The following GFM1 variants were observed in gnomAD, a reference collection of about 807,000 sequenced individuals.
GFM1 encodes the protein elongation factor G, mitochondrial.
GFM1 carries 62 observed loss-of-function variants against 96.2 expected under a neutral mutation model. The observed-to-expected ratio is 0.64, with a 90% CI of 0.53 to 0.80. GFM1 has a LOEUF of 0.80. GFM1 is among the 30% of genes least tolerant of loss of function. The pLI is 0.00. For synonymous variants in GFM1, 282 were observed against 312.9 expected (o/e 0.90, Z 1.04); for missense variants, 852 against 916.6 (o/e 0.93, Z 0.91).
intron 15 of GFM1, among the ~76,000 whole-genome samples, chr3:158,688,493 C>G (rs1726050654): frequency 6.6e-6 from 1 of 152,148 alleles, no homozygotes; most frequent in Non-Finnish European, 1.5e-5. Context: ...TCCCTTTACC[C>G]TTTCACAATC....
chr3:158,678,832 A>T (rs1259559468), intron 13 of GFM1, among the ~76,000 whole-genome samples: 1 of 152,242 alleles, frequency 6.6e-6, no homozygotes, highest in Non-Finnish European at 1.5e-5. Flanking sequence ...GTCTTGTGAA[A>T]GGGAAAGTCA....
chr3:158,691,547 C>G lies in GFM1; in HGVS notation c.*80C>G. 5 of 1,517,728 alleles carry G rather than the reference C, an allele frequency of 3.3e-6. No individual in the cohort carries two copies. Among genetic ancestry groups the G allele is most frequent in the Non-Finnish European group, 3.6e-6 (4 of 1,097,828 alleles). The allele number at this position is 1,517,728 out of a possible 1,614,324, so 94.0% of individuals were successfully genotyped here. A position where few individuals can be genotyped will look rare whatever the true frequency, so the allele number is the denominator to read the frequency against. ...TTGATGGATTCCAGTGGAATAAATT[C>G]AGGCTGCTGAAACAAGAAATTCTGA... On this transcript the variant is annotated 3_prime_UTR_variant, in exon 18 of 18. Coordinates refer to ENST00000486715, the MANE Select transcript of GFM1 (RefSeq NM_024996.7).
chr3:158,650,323 G>C, intron 5 of GFM1: 1 of 462,090 alleles, frequency 2.2e-6, no homozygotes, highest in South Asian at 2.6e-5. Flanking sequence ...CTAGGCAGTT[G>C]TAACTGCCTA....
intron 15 of GFM1, among the ~76,000 whole-genome samples, chr3:158,687,598 G>A (rs1420829251): frequency 1.3e-5 from 2 of 152,098 alleles, no homozygotes; most frequent in Non-Finnish European, 2.9e-5. Context: ...CTCCCAAGTA[G>A]CTGAGATTAC....
Position 158,666,406 on chromosome 3 carries a change from A to G in GFM1, c.1601+20A>G. On this transcript the variant is annotated intron_variant, in intron 13 of 17. Transcript: ENST00000486715. ...TGTCCCGTAAGTATGCAACGTAATT[A>G]AACATTATGAGGCTGAAATTGAAGC... 3 of 1,590,666 alleles carry G rather than the reference A, an allele frequency of 1.9e-6. No individual in the cohort carries two copies. Among genetic ancestry groups the G allele is most frequent in the Non-Finnish European group, 2.6e-6 (3 of 1,158,838 alleles).
At position 158,694,657 on chromosome 3, in the gene GFM1, G is replaced by A. The variant is rs1485663844; in HGVS notation, c.*3190G>A. Reference sequence around the variant, plus strand: ...AAGCAGTCCTCTGGCCTCAGCCTCTGGAGTAGCTGGGACAAGAGGCACACA... The same window carrying A: ...AAGCAGTCCTCTGGCCTCAGCCTCTAGAGTAGCTGGGACAAGAGGCACACA... On this transcript the variant is annotated 3_prime_UTR_variant, in exon 18 of 18. Coordinates refer to ENST00000486715, the MANE Select transcript of GFM1 (RefSeq NM_024996.7). Among the ~76,000 whole-genome samples the A allele has an allele frequency of 6.6e-6, 1 of 152,044 alleles. No homozygotes were observed. Among genetic ancestry groups the A allele is most frequent in the East Asian group, 1.9e-4 (1 of 5,186 alleles).
intron 8 of GFM1, chr3:158,656,187 C>G (rs758537864): frequency 8.7e-6 from 2 of 229,796 alleles, no homozygotes; most frequent in African/African-American, 4.7e-5. Flanking sequence ...AGATTTCGCT[C>G]TTGTTGCCCA....
intron 4 of GFM1, among the ~76,000 whole-genome samples, chr3:158,648,405 G>A (rs568358082): frequency 9.9e-5 from 15 of 152,208 alleles, no homozygotes; most frequent in Non-Finnish European, 2.1e-4. Flanking sequence ...TGGGCCGGGC[G>A]CGGTGGCTCA....
In GFM1 at chr3:158,646,809, T is replaced by C; in HGVS notation, c.434T>C (p.Leu145Pro). ...LRVLDGAVLV[L>P]CAVGGVQCQT... ...GTGTTGGATGGTGCAGTCCTTGTTC[T>C]CTGTGCTGTTGGAGGGGTACAGTGC... is the stretch of plus-strand genomic sequence containing the variant. The change falls in exon 4 of 18, where the codon CTC becomes CCC. Residue 145 changes from leucine to proline, a missense_variant. By Grantham distance (98) the Leu-to-Pro change is moderately conservative. Transcript: ENST00000486715. The C allele has an allele frequency of 6.2e-7, 1 of 1,614,240 alleles. No homozygotes were observed. Among genetic ancestry groups the C allele is most frequent in the Admixed American group, 1.7e-5 (1 of 60,028 alleles).
chr3:158,683,658 G>A (rs1354246386), intron 14 of GFM1, among the ~76,000 whole-genome samples: 2 of 152,194 alleles, frequency 1.3e-5, no homozygotes, highest in Non-Finnish European at 1.5e-5. Flanking sequence ...ACCAATTTTG[G>A]TGGGGGTTTT....
chr3:158,657,208 A>G (rs1722838276), intron 8 of GFM1: 1 of 152,172 alleles, frequency 6.6e-6, no homozygotes, highest in South Asian at 2.1e-4. Flanking sequence ...ATGAGGGGAA[A>G]ATTTTTTTAA....
At chr3:158,653,799 A>G (rs983532511) in intron 7 of GFM1, among the ~76,000 whole-genome samples, 3 of 152,070 alleles carry the variant, frequency 2.0e-5, no homozygotes, top group African/African-American at 7.2e-5. Context: ...TGCCAGGCGC[A>G]GTGGCTCACG....
At position 158,652,195 on chromosome 3, in the gene GFM1, G is replaced by C; in HGVS notation, c.789G>C (p.Gln263His). 2 of 1,614,006 alleles carry C rather than the reference G, an allele frequency of 1.2e-6. No homozygotes were observed. Among genetic ancestry groups the C allele is most frequent in the Non-Finnish European group, 1.7e-6 (2 of 1,179,918 alleles). ...LIECVANSDE[Q>H]LGEMFLEEKI... ...AATGTGTTGCCAATTCAGATGAACA[G>C]CTTGGTGAGATGTTTCTGGAAGAAA... Residue 263 changes from glutamine to histidine, a missense_variant, in exon 6 of 18, where the codon CAG becomes CAC. Gln to His is a conservative substitution (Grantham distance 24, BLOSUM62 0). Transcript: ENST00000486715.
At chr3:158,684,439 C>G in intron 14 of GFM1, 85 bp from the exon 15 acceptor site, 1 of 1,397,864 alleles carries the variant, frequency 7.2e-7, no homozygotes, top group Non-Finnish European at 1.0e-6. Flanking sequence ...ACGTACACTT[C>G]TGAACACAAA....
At chr3:158,656,419 C>G in intron 8 of GFM1, 1 of 154,744 alleles carries the variant, frequency 6.5e-6, no homozygotes, top group South Asian at 2.0e-4. Flanking sequence ...TCCCAAAGTG[C>G]TGGGATTACA....
chr3:158,694,595 G>A lies in GFM1; in HGVS notation c.*3128G>A, dbSNP rs147272524. Among the ~76,000 whole-genome samples, 405 of 152,222 alleles carry A rather than the reference G, an allele frequency of 2.7e-3. 4 individuals are homozygous for A. The highest frequency in any genetic ancestry group is 7.1e-4 in the Non-Finnish European group (48 of 68,008). ...CCTGAACTTAAAGAGATGGGGTCTC[G>A]CTGTGTTTCCCAGGCTGCTCACAAA... is the stretch of plus-strand genomic sequence containing the variant. On this transcript the variant is annotated 3_prime_UTR_variant, in exon 18 of 18. Coordinates refer to ENST00000486715, the MANE Select transcript of GFM1 (RefSeq NM_024996.7).
At chr3:158,684,773 C>T (rs1188819482) in intron 15 of GFM1, 105 bp downstream of exon 15, 2 of 1,178,560 alleles carry the variant, frequency 1.7e-6, no homozygotes, top group Non-Finnish European at 2.5e-6. Flanking sequence ...GCACTAGGCT[C>T]CACAGGGAAT....
Position 158,652,144 on chromosome 3 carries a change from C to T in GFM1, c.738C>T (p.Ala246=). The T allele has an allele frequency of 6.2e-7, 1 of 1,613,846 alleles. No homozygotes were observed. The stretch of plus-strand genomic sequence containing the variant: ...TTCCAGCTGAATTAAGGGCGGCGGC[C>T]ACTGACCACCGGCAGGAGCTAATTG... ...GEIPAELRAA[A]TDHRQELIEC... The change falls in exon 6 of 18, where the codon GCC becomes GCT. Residue 246 remains alanine (A), a synonymous_variant. Transcript: ENST00000486715.
Position 158,646,767 on chromosome 3 carries a change from T to C in GFM1, c.392T>C (p.Val131Ala), listed in dbSNP as rs773764370. 1 of 1,613,914 alleles carries C rather than the reference T, an allele frequency of 6.2e-7. No individual in the cohort carries two copies. The highest frequency in any genetic ancestry group is 8.5e-7 in the Non-Finnish European group (1 of 1,179,944). Residue 131 changes from valine (V) to alanine (A), a missense_variant, in exon 4 of 18, where the codon GTG (valine) becomes GCG (alanine). Physicochemically the swap from Val to Ala is moderately conservative, Grantham distance 64. Transcript: ENST00000486715. ...GGGCATGTGGACTTCACAATAGAAG[T>C]GGAAAGGGCCCTGAGAGTGTTGGAT... ...TPGHVDFTIEVERALRVLDGA... is the reference protein window; with the variant it reads ...TPGHVDFTIEAERALRVLDGA...
Sources: gnomAD v4.1 joint callset for allele counts (sites outside exome capture counted in the v4.1 genomes callset) on GRCh38, gnomAD v4.1.1 for gene constraint, MANE v1.5 for transcripts, NCBI Gene and HGNC (gene_info 2026-07-23, HGNC 2026-07-21) for gene names.